The following TMIGD3 variants were observed in gnomAD, a reference collection of about 807,000 sequenced individuals.
TMIGD3 encodes AD026 protein (AD026).
A neutral mutation model predicts 28.1 loss-of-function variants in TMIGD3; 21 were observed. That is an observed-to-expected ratio of 0.75 (90% CI 0.53 to 1.08). The LOEUF (loss-of-function observed/expected upper bound fraction) is 1.08. Ranked by LOEUF, TMIGD3 falls within the 50% of genes least tolerant of loss-of-function variation. TMIGD3 has a pLI of 0.00. For missense variants in TMIGD3, 416 were observed against 435.6 expected (o/e 0.96, Z 0.40); for synonymous variants, 151 against 162.1 (o/e 0.93, Z 0.52).
chr1:111,510,104 C>T (rs955193481), intron 1 of TMIGD3, among the ~76,000 whole-genome samples: 12 of 152,230 alleles, frequency 7.9e-5, no homozygotes, highest in African/African-American at 2.9e-4. Flanking sequence ...ATATTGAAGG[C>T]TGTGCATTCT....
chr1:111,543,477 C>A lies in TMIGD3; in HGVS notation c.107+20369G>T, dbSNP rs539572774. On this transcript the variant is annotated intron_variant, in intron 1 of 5. Coordinates refer to the TMIGD3 transcript ENST00000369717. ...AACATAATTGGGTCATATCACTCTT[C>A]TGCTGAAAACTCCCAATGGAGAGTA... Among the ~76,000 whole-genome samples the A allele has an allele frequency of 1.6e-4, 24 of 152,286 alleles. 1 individual carries two copies. Among genetic ancestry groups the A allele is most frequent in the African/African-American group, 5.8e-4 (24 of 41,564 alleles).
intron 1 of TMIGD3, among the ~76,000 whole-genome samples, chr1:111,512,712 C>T (rs1655731203): frequency 6.6e-6 from 1 of 152,198 alleles, no homozygotes; most frequent in Non-Finnish European, 1.5e-5. Context: ...TTACAAGGTG[C>T]TTGGTAGAGG....
At chr1:111,502,869 A>C in intron 1 of TMIGD3, 136 bp downstream of exon 1, 1 of 1,140,452 alleles carries the variant, frequency 8.8e-7, no homozygotes, top group Non-Finnish European at 1.2e-6. Flanking sequence ...ACCATATCAC[A>C]AAAAGACACT....
intron 1 of TMIGD3, among the ~76,000 whole-genome samples, chr1:111,550,307 T>A (rs1014024307): frequency 6.6e-6 from 1 of 152,166 alleles, no homozygotes; most frequent in Admixed American, 6.5e-5. Flanking sequence ...CTCTAATATT[T>A]TTCTAATCTC....
chr1:111,557,390 T>C (rs1265379883), intron 1 of TMIGD3, among the ~76,000 whole-genome samples: 2 of 151,632 alleles, frequency 1.3e-5, no homozygotes, highest in African/African-American at 4.8e-5. Flanking sequence ...CTACTAAAAA[T>C]ACAAAAACAA....
chr1:111,543,534 GTGT>G (rs1285601020), intron 1 of TMIGD3, among the ~76,000 whole-genome samples: 1 of 152,090 alleles, frequency 6.6e-6, no homozygotes, highest in Admixed American at 6.6e-5. Context: ...TCCTTTCTGG[GTGT>G]CTTAATGCTT....
intron 1 of TMIGD3, among the ~76,000 whole-genome samples, chr1:111,493,869 A>C (rs928102003): frequency 2.0e-5 from 3 of 152,214 alleles, no homozygotes; most frequent in Non-Finnish European, 4.4e-5. Context: ...GAATTTACAA[A>C]GGGTCTTTAA....
Position 111,561,633 on chromosome 1 carries a change from G to A in TMIGD3, c.107+2213C>T, listed in dbSNP as rs142583090. Among the ~76,000 whole-genome samples, 442 of 152,164 alleles carry A rather than the reference G, an allele frequency of 2.9e-3. 2 individuals are homozygous for A. Among genetic ancestry groups the A allele is most frequent in the South Asian group, 6.0e-3 (29 of 4,814 alleles). On this transcript the variant is annotated intron_variant, in intron 1 of 5. Transcript: ENST00000369717. ...GGTCACAGAATTTTATTCAATCATA[G>A]GCCATTACTCTTCTCTCCTACTGCT...
rs1460631979 is a variant in TMIGD3, at chr1:111,529,980, C to T, written c.107+33866G>A. Among the ~76,000 whole-genome samples the T allele has an allele frequency of 7.2e-3, 764 of 106,742 alleles. 25 individuals are homozygous for T. The highest frequency in any genetic ancestry group is 0.027 in the African/African-American group (690 of 26,002). 70.0% of individuals were successfully genotyped at this position (106,742 alleles called of 152,430 possible). On this transcript the variant is annotated intron_variant, in intron 1 of 5. Transcript: ENST00000369717. ...GGCGCCCCTCACCTCCCGGATGGGG[C>T]GGCTGGCCGGGCGGGGCGCTGACCC...
At chr1:111,561,557 G>T (rs566343312) in intron 1 of TMIGD3, among the ~76,000 whole-genome samples, 1 of 152,280 alleles carries the variant, frequency 6.6e-6, no homozygotes, top group East Asian at 1.9e-4. Flanking sequence ...AGATACAGAG[G>T]TCATAGTCTC....
Position 111,483,715 on chromosome 1 carries a change from T to C in TMIGD3, c.1016A>G (p.Lys339Arg). 1.2e-6 allele frequency: 2 copies of C among 1,614,084 alleles called. No homozygotes were observed. Among genetic ancestry groups the C allele is most frequent in the Non-Finnish European group, 1.7e-6 (2 of 1,179,954 alleles). Residue 339 changes from lysine to arginine, a missense_variant, in exon 6 of 6, where the codon AAG (lysine) becomes AGG (arginine). Transcript: ENST00000369716. ...LKPFSRVLTP[K>R]EMAPTEQM is the part of the protein sequence containing the mutation. ...CATCTGTTCAGTAGGAGCCATTTCC[T>C]TTGGAGTCAGGACACGCGAGAAGGG... is the stretch of plus-strand genomic sequence containing the variant.
intron 1 of TMIGD3, among the ~76,000 whole-genome samples, chr1:111,511,220 C>T (rs750504579): frequency 2.0e-5 from 3 of 152,158 alleles, no homozygotes; most frequent in Non-Finnish European, 4.4e-5. Flanking sequence ...CTGCTTCTCC[C>T]GCTAGCTGGT....
chr1:111,517,455 C>T (rs1386653399), intron 1 of TMIGD3, among the ~76,000 whole-genome samples: 1 of 152,160 alleles, frequency 6.6e-6, no homozygotes, highest in Non-Finnish European at 1.5e-5. Flanking sequence ...GATTTCTCTT[C>T]CTTTCCTTAC....
upstream of TMIGD3, among the ~76,000 whole-genome samples, chr1:111,504,313 CA>C (rs1366052440): frequency 6.6e-6 from 1 of 152,160 alleles, no homozygotes. Context: ...GCAGAATGAC[CA>C]GACATACAGA....
chr1:111,521,025 TC>T (rs1303128995), intron 1 of TMIGD3, among the ~76,000 whole-genome samples: 2 of 136,488 alleles, frequency 1.5e-5, no homozygotes, highest in Non-Finnish European at 3.2e-5. Context: ...TCCCACCCTA[TC>T]CCCTAACTAT....
At chr1:111,531,905 C>T (rs192727879) in intron 1 of TMIGD3, among the ~76,000 whole-genome samples, 1 of 151,944 alleles carries the variant, frequency 6.6e-6, no homozygotes, top group African/African-American at 2.4e-5. Context: ...TACTTTTAAA[C>T]TTTGTTAGGT....
At chr1:111,521,048 C>G (rs1177175660) in intron 1 of TMIGD3, among the ~76,000 whole-genome samples, 1 of 140,820 alleles carries the variant, frequency 7.1e-6, no homozygotes, top group Non-Finnish European at 1.5e-5. Flanking sequence ...GATCTGCTCT[C>G]TGTTATTACA....
intron 1 of TMIGD3, among the ~76,000 whole-genome samples, chr1:111,516,942 A>C (rs1655888177): frequency 6.6e-6 from 1 of 152,230 alleles, no homozygotes; most frequent in Non-Finnish European, 1.5e-5. Context: ...ACTCTTATCT[A>C]AATAGAGCTG....
Position 111,490,666 on chromosome 1 carries a change from A to G in TMIGD3, c.447T>C (p.Ala149=). The part of the protein sequence containing the change: ...VMWLFILLSL[A]LISDAMVMDE... ...CGTCCCCCATCCTACCTGAAATGAG[A>G]GCCAAGGAGAGTAGAATGAAGAGCC... Residue 149 remains alanine, a synonymous_variant, in exon 2 of 6, where the codon GCT becomes GCC. Coordinates refer to ENST00000369716, the MANE Select transcript of TMIGD3 (RefSeq NM_020683.7). 1 of 1,612,506 alleles carries G rather than the reference A, an allele frequency of 6.2e-7. No homozygotes were observed. The highest frequency in any genetic ancestry group is 1.1e-5 in the South Asian group (1 of 91,030).
Sources: gnomAD v4.1 joint callset for allele counts (sites outside exome capture counted in the v4.1 genomes callset) on GRCh38, gnomAD v4.1.1 for gene constraint, MANE v1.5 for transcripts, NCBI Gene and HGNC (gene_info 2026-07-23, HGNC 2026-07-21) for gene names.